Variants in LUZP2 observed in about 807,000 individuals in gnomAD.
LUZP2 encodes leucine zipper protein 2.
A neutral mutation model predicts 51.6 loss-of-function variants in LUZP2; 52 were observed. The observed-to-expected ratio is 1.01, with a 90% CI of 0.81 to 1.27. The LOEUF (loss-of-function observed/expected upper bound fraction) is 1.27, where lower values mean the gene tolerates loss of function less well. Ranked by LOEUF, LUZP2 falls within the 50% of genes most tolerant of loss-of-function variation. LUZP2 has a pLI of 0.00. For missense variants in LUZP2, 436 were observed against 395.4 expected, an observed-to-expected ratio of 1.10 and a Z score of -0.87; for synonymous variants, 154 against 137.3, an observed-to-expected ratio of 1.12 and a Z score of -0.85.
rs113150083 is a variant in LUZP2 at position 24,702,338 on chromosome 11, C to T, written c.63-26831C>T. On this transcript the variant is annotated intron_variant, in intron 1 of 11. Transcript: ENST00000336930. Reference sequence around the variant, plus strand: ...AGTGAAATGTCTGTGGACTGATCCTCGACATAACCAATAAAATCTCAATTA... The same window carrying T: ...AGTGAAATGTCTGTGGACTGATCCTTGACATAACCAATAAAATCTCAATTA... Among the ~76,000 whole-genome samples, 402 of 151,028 alleles carry T rather than the reference C, an allele frequency of 2.7e-3. 1 individual carries two copies. The highest frequency in any genetic ancestry group is 9.4e-3 in the African/African-American group (388 of 41,062).
At chr11:24,634,472 G>A (rs1484588118) in intron 1 of LUZP2, among the ~76,000 whole-genome samples, 1 of 152,016 alleles carries the variant, frequency 6.6e-6, no homozygotes, top group Non-Finnish European at 1.5e-5. Context: ...AGATATGCCA[G>A]CTATCGATAA....
intron 1 of LUZP2, among the ~76,000 whole-genome samples, chr11:24,508,565 A>C (rs952666521): frequency 3.3e-5 from 5 of 152,146 alleles, no homozygotes; most frequent in African/African-American, 1.2e-4. Flanking sequence ...GATGTCTTCC[A>C]AGTGTTAATT....
chr11:24,710,757 C>T (rs1361749610), intron 1 of LUZP2, among the ~76,000 whole-genome samples: 1 of 146,106 alleles, frequency 6.8e-6, no homozygotes, highest in African/African-American at 2.6e-5. Flanking sequence ...GTAAATTTAT[C>T]ACATTTTTTT....
intron 10 of LUZP2, among the ~76,000 whole-genome samples, chr11:25,060,111 C>T (rs2896723): frequency 0.37 from 55,648 of 151,896 alleles, 12,479 homozygotes; most frequent in East Asian, 0.78. Context: ...GTTGAGGTAA[C>T]CTTCCAAGTT....
intron 9 of LUZP2, among the ~76,000 whole-genome samples, chr11:25,022,967 G>A (rs1262691307): frequency 6.6e-6 from 1 of 152,066 alleles, no homozygotes; most frequent in Non-Finnish European, 1.5e-5. Context: ...ATTTGCATAT[G>A]TTGAACCAGC....
intron 1 of LUZP2, among the ~76,000 whole-genome samples, chr11:24,680,527 T>C (rs1460154216): frequency 1.3e-5 from 2 of 152,160 alleles, no homozygotes; most frequent in African/African-American, 2.4e-5. Flanking sequence ...TGAAGGTAGG[T>C]GTCTCAATGT....
intron 9 of LUZP2, among the ~76,000 whole-genome samples, chr11:25,023,082 T>C (rs1330300534): frequency 5.9e-5 from 9 of 152,294 alleles, no homozygotes; most frequent in African/African-American, 1.9e-4. Flanking sequence ...TGCTTGATGT[T>C]CATCAGGGAA....
intron 7 of LUZP2, among the ~76,000 whole-genome samples, chr11:24,937,103 G>A (rs1350992646): frequency 6.6e-6 from 1 of 151,994 alleles, no homozygotes; most frequent in Non-Finnish European, 1.5e-5. Flanking sequence ...TTATCTTGGG[G>A]TCTAGGACTG....
intron 8 of LUZP2, among the ~76,000 whole-genome samples, chr11:24,979,467 T>A (rs910066753): frequency 4.6e-5 from 7 of 151,856 alleles, no homozygotes; most frequent in African/African-American, 1.7e-4. Context: ...AAATACTATT[T>A]GAGTATTTAG....
chr11:24,804,570 G>T (rs1209921188), intron 5 of LUZP2, among the ~76,000 whole-genome samples: 1 of 152,070 alleles, frequency 6.6e-6, no homozygotes, highest in African/African-American at 2.4e-5. Context: ...AACAAACTGG[G>T]GTAAACTTAG....
intron 1 of LUZP2, among the ~76,000 whole-genome samples, chr11:24,509,401 TA>T (rs1048499417): frequency 6.6e-6 from 1 of 151,016 alleles, no homozygotes; most frequent in African/African-American, 2.4e-5. Flanking sequence ...AATTTGTATC[TA>T]AAAAAAGTAT....
chr11:24,899,254 A>G (rs1287242537), intron 5 of LUZP2, among the ~76,000 whole-genome samples: 2 of 152,026 alleles, frequency 1.3e-5, no homozygotes, highest in African/African-American at 4.8e-5. Context: ...TTTATTATAT[A>G]TCTTATAGCG....
At chr11:24,961,909 T>C (rs1471881045) in intron 7 of LUZP2, among the ~76,000 whole-genome samples, 2 of 152,054 alleles carry the variant, frequency 1.3e-5, no homozygotes, top group African/African-American at 2.4e-5. Context: ...CCATGTTTAG[T>C]GCTTCCTTCA....
At chr11:24,550,399 T>C (rs1385416059) in intron 1 of LUZP2, among the ~76,000 whole-genome samples, 2 of 152,132 alleles carry the variant, frequency 1.3e-5, no homozygotes, top group Admixed American at 1.3e-4. Context: ...CTTATTCTGT[T>C]AGCTGGGTTG....
intron 1 of LUZP2, among the ~76,000 whole-genome samples, chr11:24,659,388 AG>A (rs1453829590): frequency 6.6e-6 from 1 of 152,108 alleles, no homozygotes; most frequent in Non-Finnish European, 1.5e-5. Flanking sequence ...ACATGGACAC[AG>A]AAAGGGAACA....
intron 5 of LUZP2, among the ~76,000 whole-genome samples, chr11:24,818,689 T>C (rs1308742872): frequency 1.3e-5 from 2 of 152,114 alleles, no homozygotes; most frequent in Non-Finnish European, 2.9e-5. Context: ...TATCATGCTC[T>C]ATGTTATGCA....
intron 9 of LUZP2, among the ~76,000 whole-genome samples, chr11:25,000,601 C>A (rs529792048): frequency 4.5e-4 from 68 of 152,236 alleles, no homozygotes; most frequent in Non-Finnish European, 9.1e-4. Context: ...ATAGCTGCCA[C>A]GGTACTTAGA....
intron 1 of LUZP2, among the ~76,000 whole-genome samples, chr11:24,524,131 A>G (rs994806062): frequency 1.3e-5 from 2 of 151,816 alleles, no homozygotes; most frequent in African/African-American, 4.8e-5. Context: ...TGAGCTGGCC[A>G]GTTTTATCAT....
chr11:24,618,572 C>T (rs1173195063), intron 1 of LUZP2, among the ~76,000 whole-genome samples: 1 of 152,158 alleles, frequency 6.6e-6, no homozygotes, highest in African/African-American at 2.4e-5. Flanking sequence ...TCTGTTGGAG[C>T]TTCTACTTGT....
Sources: allele counts gnomAD v4.1 joint callset (sites outside exome capture counted in the v4.1 genomes callset), GRCh38; gene constraint gnomAD v4.1.1; transcripts MANE v1.5; gene names NCBI Gene and HGNC (gene_info 2026-07-23, HGNC 2026-07-21).